PPP5C: variants seen among roughly 807,000 people sequenced by gnomAD.
PPP5C encodes the protein protein phosphatase 5 catalytic subunit.
PPP5C carries 21 observed loss-of-function variants against 66.7 expected under a neutral mutation model. That is an observed-to-expected ratio of 0.31 (90% confidence interval 0.22 to 0.45). PPP5C has a LOEUF of 0.45. Among genes scored for constraint, PPP5C ranks in the 20% least tolerant of loss-of-function variants. PPP5C has a pLI of 1.00. For missense variants in PPP5C, 464 were observed against 675.9 expected, an observed-to-expected ratio of 0.69 and a Z score of 3.48; for synonymous variants, 246 against 257.4, an observed-to-expected ratio of 0.96 and a Z score of 0.43.
intron 2 of PPP5C, among the ~76,000 whole-genome samples, chr19:46,366,600 G>A (rs938294276): frequency 6.6e-6 from 1 of 152,174 alleles, no homozygotes; most frequent in African/African-American, 2.4e-5. Flanking sequence ...CTCCCGAAGT[G>A]CCAGGATTAC....
At chr19:46,366,510 T>A (rs921301775) in intron 2 of PPP5C, among the ~76,000 whole-genome samples, 1 of 152,090 alleles carries the variant, frequency 6.6e-6, no homozygotes, top group African/African-American at 2.4e-5. Flanking sequence ...CGTGCCTGGC[T>A]AATTTTTTTC....
chr19:46,365,069 G>A (rs1163138452), intron 2 of PPP5C, among the ~76,000 whole-genome samples: 1 of 152,102 alleles, frequency 6.6e-6, no homozygotes. Flanking sequence ...TGCAACCTCC[G>A]CCTCCTGGGT....
At position 46,383,852 on chromosome 19, in the gene PPP5C, G is replaced by A. The variant is rs374372568; in HGVS notation, c.772G>A (p.Gly258Ser). ...CCTCCTCAACATATTCGAGCTCAAC[G>A]GTTTACCCTCGGAGACCAACCCCTA... ...YDLLNIFELN[G>S]LPSETNPYIF... is the part of the protein sequence containing the mutation. The change falls in exon 6 of 13, where the codon GGT becomes AGT. Residue 258 changes from glycine to serine, a missense_variant. Transcript: ENST00000012443. The surrounding 1 kb of genome is among the most constrained non-coding windows in gnomAD (Gnocchi z 5.0). 8 of 1,613,722 alleles carry A rather than the reference G, an allele frequency of 5.0e-6. No homozygotes were observed. Among genetic ancestry groups the A allele is most frequent in the Non-Finnish European group, 5.9e-6 (7 of 1,179,818 alleles).
In PPP5C at chr19:46,390,718, G is replaced by A. The variant is rs1028724133; in HGVS notation, c.*372G>A. The A allele has an allele frequency of 8.7e-7, 1 of 1,155,538 alleles. No homozygotes were observed. The highest frequency in any genetic ancestry group is 1.1e-6 in the Non-Finnish European group (1 of 927,250). 71.6% of individuals were successfully genotyped at this position (1,155,538 alleles called of 1,614,324 possible). ...CGCCATAGGAAGACCCCCAGAGAGA[G>A]GGTCAGCAGGGGGGCCCCGCCTGCG... On this transcript the variant is annotated 3_prime_UTR_variant, in exon 13 of 13. Coordinates refer to ENST00000012443, the MANE Select transcript of PPP5C (RefSeq NM_006247.4).
intron 4 of PPP5C, among the ~76,000 whole-genome samples, chr19:46,379,026 G>A (rs546494953): frequency 6.6e-6 from 1 of 152,208 alleles, no homozygotes; most frequent in South Asian, 2.1e-4. Context: ...TAGGATTACA[G>A]GCACACGCCA....
chr19:46,382,422 CT>C (rs1972808465), intron 4 of PPP5C: 1 of 152,142 alleles, frequency 6.6e-6, no homozygotes, highest in Admixed American at 6.5e-5. Context: ...GCGAGACAGT[CT>C]TTTGTAACTT....
chr19:46,357,065 G>A (rs1479500562), intron 2 of PPP5C, among the ~76,000 whole-genome samples: 1 of 151,946 alleles, frequency 6.6e-6, no homozygotes, highest in Non-Finnish European at 1.5e-5. Flanking sequence ...TTTTTTGTTT[G>A]AGAGAGAGTC....
At position 46,383,196 on chromosome 19, in the gene PPP5C, C is replaced by G. The variant is rs1200811178; in HGVS notation, c.634-215C>G. On this transcript the variant is annotated intron_variant, in intron 4 of 12. Transcript: ENST00000012443. This position sits in a 1 kb window ranked among gnomAD's most constrained non-coding sequence, Gnocchi z 5.0. ...GAATCAGGTTTTCGTACAAAACAAT[C>G]GCAATGCTTCGGCACTGCACAGGCC... 1 of 1,506,536 alleles carries G rather than the reference C, an allele frequency of 6.6e-7. No individual in the cohort carries two copies. The highest frequency in any genetic ancestry group is 8.9e-7 in the Non-Finnish European group (1 of 1,127,344). 93.3% of individuals were successfully genotyped at this position (1,506,536 alleles called of 1,614,324 possible).
Position 46,388,649 on chromosome 19 carries a change from C to T in PPP5C, c.1273C>T (p.Arg425Cys), listed in dbSNP as rs745310619. 4.3e-6 allele frequency: 7 copies of T among 1,614,194 alleles called. No homozygotes were observed. Among genetic ancestry groups the T allele is most frequent in the South Asian group, 2.2e-5 (2 of 91,084 alleles). The change falls in exon 11 of 13, where the codon CGC becomes TGC. Residue 425 changes from arginine (R) to cysteine (C), a missense_variant. Arg to Cys is a radical substitution (Grantham distance 180, BLOSUM62 -3). Coordinates refer to ENST00000012443, the MANE Select transcript of PPP5C (RefSeq NM_006247.4). The surrounding 1 kb of genome is among the most constrained non-coding windows in gnomAD (Gnocchi z 4.9). ...LEENNLDYII[R>C]SHEVKAEGYE... ...AGAGAACAACCTGGACTATATCATCCGCAGCCACGAAGTCAAGGCCGAGGG... is the reference window on the plus strand; with the variant it reads ...AGAGAACAACCTGGACTATATCATCTGCAGCCACGAAGTCAAGGCCGAGGG...
rs1478486365 is a variant in PPP5C at position 46,376,602 on chromosome 19, C to T, written c.633+28C>T. Reference sequence around the variant, plus strand: ...AATGCATCTGTCAGGTACTGGGCACCCGGGAACCCTGGGATGGCATCACAG... The same window carrying T: ...AATGCATCTGTCAGGTACTGGGCACTCGGGAACCCTGGGATGGCATCACAG... On this transcript the variant is annotated intron_variant, in intron 4 of 12. Coordinates refer to ENST00000012443, the MANE Select transcript of PPP5C (RefSeq NM_006247.4). This position sits in a 1 kb window ranked among gnomAD's most constrained non-coding sequence, Gnocchi z 5.1. The T allele has an allele frequency of 1.9e-6, 3 of 1,609,210 alleles. No individual in the cohort carries two copies. The highest frequency in any genetic ancestry group is 3.3e-5 in the Admixed American group (2 of 59,742).
At position 46,383,075 on chromosome 19, in the gene PPP5C, T is replaced by A; in HGVS notation, c.634-336T>A. The A allele has an allele frequency of 1.8e-6, 2 of 1,133,026 alleles. No individual in the cohort carries two copies. The highest frequency in any genetic ancestry group is 2.3e-6 in the Non-Finnish European group (2 of 882,644). 70.2% of individuals were successfully genotyped at this position (1,133,026 alleles called of 1,614,324 possible). ...GGAGACTCTTTTATGACAGTGACAT[T>A]GCGCTGTGTCCAGGCCAGTTCTTTT... On this transcript the variant is annotated intron_variant, in intron 4 of 12. Transcript: ENST00000012443. This position sits in a 1 kb window ranked among gnomAD's most constrained non-coding sequence, Gnocchi z 5.0.
At chr19:46,361,756 T>A (rs1280299379) in intron 2 of PPP5C, among the ~76,000 whole-genome samples, 1 of 145,608 alleles carries the variant, frequency 6.9e-6, no homozygotes, top group South Asian at 2.1e-4. Flanking sequence ...AGAGCCAGAC[T>A]CCGTCTCAAA....
chr19:46,356,893 G>A (rs1382050868), intron 2 of PPP5C, among the ~76,000 whole-genome samples: 1 of 152,212 alleles, frequency 6.6e-6, no homozygotes, highest in Non-Finnish European at 1.5e-5. Flanking sequence ...AGATGGGGCA[G>A]GCTCTGGGCT....
intron 11 of PPP5C, 37 bp from the exon 12 acceptor site, chr19:46,390,014 C>T: frequency 1.9e-6 from 3 of 1,602,110 alleles, no homozygotes; most frequent in Non-Finnish European, 2.6e-6. Flanking sequence ...CCCACCCAGC[C>T]CTGACCACAC....
chr19:46,368,974 G>A (rs1266980212), intron 2 of PPP5C, among the ~76,000 whole-genome samples: 5 of 152,180 alleles, frequency 3.3e-5, no homozygotes, highest in African/African-American at 7.2e-5. Context: ...ACTGGTCCAC[G>A]ACACTGATGG....
chr19:46,355,015 C>T (rs996367884), intron 2 of PPP5C, among the ~76,000 whole-genome samples: 1 of 152,228 alleles, frequency 6.6e-6, no homozygotes, highest in East Asian at 1.9e-4. Flanking sequence ...TGAATCATTA[C>T]AGCACCCTGG....
At chr19:46,371,532 G>A (rs1972592401) in intron 2 of PPP5C, among the ~76,000 whole-genome samples, 1 of 152,150 alleles carries the variant, frequency 6.6e-6, no homozygotes, top group Admixed American at 6.5e-5. Context: ...CTCCACTGAG[G>A]TTGCACAGCC....
intron 7 of PPP5C, among the ~76,000 whole-genome samples, chr19:46,386,025 A>G (rs1190475794): frequency 6.6e-6 from 1 of 151,844 alleles, no homozygotes. Flanking sequence ...GTGTGAGACA[A>G]AGAGGGAACG....
At chr19:46,386,537 G>A (rs767571047) in intron 7 of PPP5C, among the ~76,000 whole-genome samples, 2 of 151,882 alleles carry the variant, frequency 1.3e-5, no homozygotes, top group Non-Finnish European at 2.9e-5. Flanking sequence ...GAAGAAGGAG[G>A]CCGGGTGCTT....
Sources: gnomAD v4.1 joint callset for allele counts (sites outside exome capture counted in the v4.1 genomes callset) on GRCh38, gnomAD v4.1.1 for gene constraint, Gnocchi (gnomAD v3.1) non-coding constraint, MANE v1.5 for transcripts, NCBI Gene and HGNC (gene_info 2026-07-23, HGNC 2026-07-21) for gene names.